BET1L: variants seen among roughly 807,000 people sequenced by gnomAD.
BET1L encodes the protein BET1-like protein.
In BET1L, 13 loss-of-function variants were observed where a neutral mutation model predicts 12.6. That is an observed-to-expected ratio of 1.03 (90% confidence interval 0.67 to 1.64). The LOEUF (loss-of-function observed/expected upper bound fraction) is 1.64. Ranked by LOEUF, BET1L falls within the 40% of genes most tolerant of loss-of-function variation. The pLI is 0.00. For missense variants in BET1L, 154 were observed against 150.7 expected (o/e 1.02, Z -0.11); for synonymous variants, 60 against 56.9 (o/e 1.05, Z -0.25).
chr11:203,678 G>C lies in BET1L; in HGVS notation c.*1624C>G, dbSNP rs1254106738. 2 of 152,770 alleles carry C rather than the reference G, an allele frequency of 1.3e-5. No homozygotes were observed. The highest frequency in any genetic ancestry group is 3.8e-4 in the East Asian group (2 of 5,214). The allele number at this position is 152,770 out of a possible 1,614,324, so 9.5% of individuals were successfully genotyped here. ...ACACTGGTGCCGGAGGAACGACAGG[G>C]GCCTGCAAAGGGACATCCGAGGAGG... On this transcript the variant is annotated 3_prime_UTR_variant, in exon 4 of 4. Transcript: ENST00000382762.
intron 1 of BET1L, 40 bp from the exon 2 acceptor site, chr11:206,083 G>C (rs776417239): frequency 1.3e-6 from 2 of 1,582,924 alleles, no homozygotes; most frequent in Non-Finnish European, 1.7e-6. Context: ...ATCCATCGGT[G>C]AGCACGGCCC....
rs572363910 is a variant in BET1L at position 207,370 on chromosome 11, G to A, written c.-49C>T. On this transcript the variant is annotated 5_prime_UTR_variant, in exon 1 of 4. Coordinates refer to ENST00000382762, the MANE Select transcript of BET1L (RefSeq NM_001098787.2). ...CGCGGACACCGACGCGGCCACAGCCGCCTCAGACGTGGCGCAGTCGCGGGG... is the reference window on the plus strand; with the variant it reads ...CGCGGACACCGACGCGGCCACAGCCACCTCAGACGTGGCGCAGTCGCGGGG... 6 of 1,529,322 alleles carry A rather than the reference G, an allele frequency of 3.9e-6. No homozygotes were observed. In the African/African-American group the frequency reaches 5.6e-5, roughly 14 times the overall value. The allele number at this position is 1,529,322 out of a possible 1,614,324, so 94.7% of individuals were successfully genotyped here.
intron 1 of BET1L, 71 bp from the exon 2 acceptor site, chr11:206,114 C>A: frequency 7.3e-7 from 1 of 1,369,748 alleles, no homozygotes; most frequent in South Asian, 1.2e-5. Flanking sequence ...TCACTCCAAC[C>A]ACATCTGGGT....
At chr11:205,551 G>A (rs560579352) in intron 3 of BET1L, 60 bp downstream of exon 3, 1 of 1,614,158 alleles carries the variant, frequency 6.2e-7, no homozygotes, top group Non-Finnish European at 8.5e-7. Context: ...AGACACTGCA[G>A]GCTCTGCAGC....
At chr11:205,780 T>A (rs3782122) in intron 2 of BET1L, 113 bp from the exon 3 acceptor site, 71,653 of 1,491,622 alleles carry the variant, frequency 0.048, 2,237 homozygotes, top group East Asian at 0.13. Flanking sequence ...ACAGTGGGGC[T>A]GCAGCAGACA....
Position 205,008 on chromosome 11 carries a change from G to A in BET1L, c.*294C>T. On this transcript the variant is annotated 3_prime_UTR_variant, in exon 4 of 4. Transcript: ENST00000382762. ...TCACCAGCTGCTCTGCTCAGACCTGGCTTCTCCAGACACGCTGTGGCCCCA... is the reference window on the plus strand; with the variant it reads ...TCACCAGCTGCTCTGCTCAGACCTGACTTCTCCAGACACGCTGTGGCCCCA... 1 of 405,130 alleles carries A rather than the reference G, an allele frequency of 2.5e-6. No homozygotes were observed. Among genetic ancestry groups the A allele is most frequent in the Non-Finnish European group, 4.6e-6 (1 of 216,098 alleles). The allele number at this position is 405,130 out of a possible 1,614,324, so 25.1% of individuals were successfully genotyped here.
In BET1L at chr11:203,695, C is replaced by A. The variant is rs1259153598; in HGVS notation, c.*1607G>T. The A allele has an allele frequency of 1.3e-5, 2 of 152,810 alleles. No individual in the cohort carries two copies. The highest frequency in any genetic ancestry group is 1.3e-4 in the Admixed American group (2 of 15,294). 9.5% of individuals were successfully genotyped at this position (152,810 alleles called of 1,614,324 possible). ...ACGACAGGGGCCTGCAAAGGGACAT[C>A]CGAGGAGGGGGAAGCAAGCTGGGAG... is the stretch of plus-strand genomic sequence containing the variant. On this transcript the variant is annotated 3_prime_UTR_variant, in exon 4 of 4. Coordinates refer to ENST00000382762, the MANE Select transcript of BET1L (RefSeq NM_001098787.2).
At position 205,985 on chromosome 11, in the gene BET1L, G is replaced by C. The variant is rs1456222156; in HGVS notation, c.78C>G (p.Asp26Glu). ...GCCTGGTGACTTTGGAGGCCAGGCT[G>C]TCAGCCATTCGCTTGTTCTCCCGGT... is the stretch of plus-strand genomic sequence containing the variant. ...ILDRENKRMADSLASKVTRLK... is the reference protein window; with the variant it reads ...ILDRENKRMAESLASKVTRLK... The change falls in exon 2 of 4, where the codon GAC becomes GAG. Residue 26 changes from aspartate (D) to glutamate (E), a missense_variant. Physicochemically the swap from Asp to Glu is conservative, Grantham distance 45. Coordinates refer to ENST00000382762, the MANE Select transcript of BET1L (RefSeq NM_001098787.2). 1 of 1,613,998 alleles carries C rather than the reference G, an allele frequency of 6.2e-7. No individual in the cohort carries two copies. Among genetic ancestry groups the C allele is most frequent in the East Asian group, 2.2e-5 (1 of 44,900 alleles).
In BET1L at chr11:203,389, C is replaced by G. The variant is rs535171586; in HGVS notation, c.*1913G>C. ...AGCAAAGCACCTCTCCAGCGAAAGCCACTCCGAGATGCAGCCTAACTTCCT... is the reference window on the plus strand; with the variant it reads ...AGCAAAGCACCTCTCCAGCGAAAGCGACTCCGAGATGCAGCCTAACTTCCT... On this transcript the variant is annotated 3_prime_UTR_variant, in exon 4 of 4. Transcript: ENST00000382762. The G allele has an allele frequency of 6.6e-6, 1 of 152,444 alleles. No homozygotes were observed. Among genetic ancestry groups the G allele is most frequent in the East Asian group, 1.9e-4 (1 of 5,184 alleles). 9.4% of individuals were successfully genotyped at this position (152,444 alleles called of 1,614,324 possible).
At chr11:205,823 A>G in intron 2 of BET1L, 129 bp downstream of exon 2, 1 of 1,427,452 alleles carries the variant, frequency 7.0e-7, no homozygotes, top group Non-Finnish European at 9.6e-7. Flanking sequence ...GGCCTCATGC[A>G]GGTGAGCACA....
intron 1 of BET1L, among the ~76,000 whole-genome samples, chr11:206,432 T>G (rs912568454): frequency 6.6e-6 from 1 of 152,112 alleles, no homozygotes; most frequent in Non-Finnish European, 1.5e-5. Context: ...GCTAAGAGCA[T>G]AGAAAAGACT....
chr11:207,395 GA>G lies in BET1L; in HGVS notation c.-75del. 1 of 1,261,060 alleles carries G rather than the reference GA, an allele frequency of 7.9e-7. No homozygotes were observed. The highest frequency in any genetic ancestry group is 1.0e-6 in the Non-Finnish European group (1 of 1,002,942). 78.1% of individuals were successfully genotyped at this position (1,261,060 alleles called of 1,614,324 possible). On this transcript the variant is annotated 5_prime_UTR_variant, in exon 1 of 4. Transcript: ENST00000382762. The stretch of plus-strand genomic sequence containing the variant: ...GCCTCAGACGTGGCGCAGTCGCGGG[GA>G]AAGAGCTTCCGGCCCCGCCCCCAGC...
intron 2 of BET1L, 124 bp from the exon 3 acceptor site, chr11:205,791 G>GA (rs1214397731): frequency 6.8e-7 from 1 of 1,475,078 alleles, no homozygotes; most frequent in Non-Finnish European, 9.2e-7. Context: ...GCAGCAGACA[G>GA]AAAGGTCCAG....
chr11:207,178 CT>C (rs1564796816), intron 1 of BET1L, 124 bp downstream of exon 1: 3 of 1,302,624 alleles, frequency 2.3e-6, no homozygotes, highest in Admixed American at 2.6e-5. Context: ...ATCCGCCCCC[CT>C]GACAGGGTCC....
rs939868820 is a variant in BET1L at position 207,201 on chromosome 11, G to A, written c.19+102C>T. 37 of 1,425,364 alleles carry A rather than the reference G, an allele frequency of 2.6e-5. No individual in the cohort carries two copies. The South Asian group carries it at 4.1e-4, about 16-fold the overall frequency. The allele number at this position is 1,425,364 out of a possible 1,614,324, so 88.3% of individuals were successfully genotyped here. The stretch of plus-strand genomic sequence containing the variant: ...CCCTGACAGGGTCCTCTCGGCCGAG[G>A]TCACCCCAGCTGGGCCAGAGGCAGG... On this transcript the variant is annotated intron_variant, in intron 1 of 3. Transcript: ENST00000382762.
chr11:204,121 G>A lies in BET1L; in HGVS notation c.*1181C>T, dbSNP rs1460716749. 1 of 152,536 alleles carries A rather than the reference G, an allele frequency of 6.6e-6. No homozygotes were observed. The highest frequency in any genetic ancestry group is 1.5e-5 in the Non-Finnish European group (1 of 68,250). 9.4% of individuals were successfully genotyped at this position (152,536 alleles called of 1,614,324 possible). ...CCCATAGTCCCCAGGGAGTGACTGGGAGGCAGAAGATTGGAACAGGACAGA... is the reference window on the plus strand; with the variant it reads ...CCCATAGTCCCCAGGGAGTGACTGGAAGGCAGAAGATTGGAACAGGACAGA... On this transcript the variant is annotated 3_prime_UTR_variant, in exon 4 of 4. Transcript: ENST00000382762.
Position 207,281 on chromosome 11 carries a change from G to A in BET1L, c.19+22C>T, listed in dbSNP as rs748138223. 2.6e-6 allele frequency: 4 copies of A among 1,531,468 alleles called. No homozygotes were observed. The Admixed American group carries it at 5.6e-5, about 22-fold the overall frequency. The allele number at this position is 1,531,468 out of a possible 1,614,324, so 94.9% of individuals were successfully genotyped here. ...GTTTCGGCCCGGCCCTGCCCCCAAC[G>A]GCTCCGCTCTCCCGCGCTCACCCCG... On this transcript the variant is annotated intron_variant, in intron 1 of 3. Transcript: ENST00000382762.
In BET1L at chr11:205,838, C is replaced by T. The variant is rs73386645; in HGVS notation, c.111+114G>A. The T allele has an allele frequency of 0.012, 17,165 of 1,444,056 alleles. 1,644 individuals carry two copies. In the African/African-American group the frequency reaches 0.21, roughly 18 times the overall value. The allele number at this position is 1,444,056 out of a possible 1,614,324, so 89.5% of individuals were successfully genotyped here. On this transcript the variant is annotated intron_variant, in intron 2 of 3. Transcript: ENST00000382762. ...GGCCTCATGCAGGTGAGCACAGCCA[C>T]GAATTGGATGAGGATGGAAAACTGC...
At chr11:205,897 G>A (rs1315506392) in intron 2 of BET1L, 55 bp downstream of exon 2, 7 of 1,578,838 alleles carry the variant, frequency 4.4e-6, no homozygotes, top group Middle Eastern at 1.7e-4. Context: ...CCTTCCCTCT[G>A]ATCCCCATTC....
Sources: allele counts gnomAD v4.1 joint callset (sites outside exome capture counted in the v4.1 genomes callset), GRCh38; gene constraint gnomAD v4.1.1; transcripts MANE v1.5; gene names NCBI Gene and HGNC (gene_info 2026-07-23, HGNC 2026-07-21).